AHCTF1: variants seen among roughly 807,000 people sequenced by gnomAD.
AHCTF1 encodes protein ELYS.
In AHCTF1, 24 loss-of-function variants were observed where a neutral mutation model predicts 248.4. The observed-to-expected ratio is 0.10, with a 90% CI of 0.07 to 0.14. The LOEUF is 0.14. Ranked by LOEUF, AHCTF1 falls within the 10% of genes least tolerant of loss-of-function variation. The pLI is 1.00. For missense variants in AHCTF1, 2,206 were observed against 2,636.2 expected, an observed-to-expected ratio of 0.84 and a Z score of 3.57; for synonymous variants, 786 against 929.8, an observed-to-expected ratio of 0.85 and a Z score of 2.81.
intron 24 of AHCTF1, among the ~76,000 whole-genome samples, chr1:246,870,828 CAA>C (rs1662541192): frequency 6.6e-6 from 1 of 151,702 alleles, no homozygotes; most frequent in East Asian, 1.9e-4. Context: ...TCCTCAGAAC[CAA>C]AAATTCTTGA....
chr1:246,894,338 A>C (rs1664415097), intron 14 of AHCTF1, among the ~76,000 whole-genome samples: 1 of 152,146 alleles, frequency 6.6e-6, no homozygotes, highest in Non-Finnish European at 1.5e-5. Flanking sequence ...TCTGGGAGGC[A>C]GAGGCGGGCG....
chr1:246,863,588 G>A (rs1398478592), intron 27 of AHCTF1, among the ~76,000 whole-genome samples: 1 of 152,032 alleles, frequency 6.6e-6, no homozygotes, highest in African/African-American at 2.4e-5. Context: ...GCATTTGATA[G>A]AAGAAATAAC....
At chr1:246,865,394 G>A (rs1340671691) in intron 26 of AHCTF1, 1 of 152,154 alleles carries the variant, frequency 6.6e-6, no homozygotes, top group South Asian at 2.1e-4. Context: ...TGATAATGGG[G>A]AAATATTTCA....
At chr1:246,875,531 A>G (rs1662875450) in intron 24 of AHCTF1, among the ~76,000 whole-genome samples, 1 of 152,200 alleles carries the variant, frequency 6.6e-6, no homozygotes, top group Non-Finnish European at 1.5e-5. Flanking sequence ...AATGCTATCA[A>G]ATGGTATCAC....
chr1:246,839,875 TACTC>T lies in AHCTF1; in HGVS notation c.*927_*930del, dbSNP rs1039609041. 4 of 152,662 alleles carry T rather than the reference TACTC, an allele frequency of 2.6e-5. No individual in the cohort carries two copies. The highest frequency in any genetic ancestry group is 9.6e-5 in the African/African-American group (4 of 41,454). 9.5% of individuals were successfully genotyped at this position (152,662 alleles called of 1,614,324 possible). On this transcript the variant is annotated 3_prime_UTR_variant, in exon 36 of 36. Transcript: ENST00000648844. ...TGTTGTTTTTCTCCTTTTCTACATC[TACTC>T]ACTCTCTCCCAACCTCAATAATCTG...
At chr1:246,922,298 T>TG (rs1010703273) in intron 1 of AHCTF1, among the ~76,000 whole-genome samples, 1 of 152,124 alleles carries the variant, frequency 6.6e-6, no homozygotes, top group African/African-American at 2.4e-5. Flanking sequence ...AGGCAGAGGT[T>TG]GCAGTAAGCA....
rs188352840 is a variant in AHCTF1, at chr1:246,869,845, G to A, written c.3089-2034C>T. 8.5e-5 allele frequency among the ~76,000 whole-genome samples: 13 copies of A among 152,268 alleles called. No homozygotes were observed. The East Asian group carries it at 2.5e-3, about 29-fold the overall frequency. On this transcript the variant is annotated intron_variant, in intron 24 of 35. Coordinates refer to ENST00000648844, the MANE Select transcript of AHCTF1 (RefSeq NM_001323342.2). ...ACACAACATCCATTCTGTAACCCTG[G>A]ATCACAGTAATCGCAATTTTCAAGA...
At chr1:246,920,417 T>C (rs1057203879) in intron 1 of AHCTF1, among the ~76,000 whole-genome samples, 4 of 152,014 alleles carry the variant, frequency 2.6e-5, no homozygotes, top group Admixed American at 2.0e-4. Flanking sequence ...GTATAAAAAT[T>C]CAATGGAGCA....
At chr1:246,891,145 T>C in intron 15 of AHCTF1, 85 bp from the exon 16 acceptor site, 4 of 750,532 alleles carry the variant, frequency 5.3e-6, no homozygotes, top group South Asian at 4.5e-5. Flanking sequence ...CTTGGTAATT[T>C]ACATAATTTG....
rs755775483 is a variant in AHCTF1 at position 246,913,400 on chromosome 1, C to G, written c.388G>C (p.Glu130Gln). 1 of 1,607,818 alleles carries G rather than the reference C, an allele frequency of 6.2e-7. No individual in the cohort carries two copies. The highest frequency in any genetic ancestry group is 8.5e-7 in the Non-Finnish European group (1 of 1,176,514). ...VVLPGRVTAI[E>Q]PIINHGGASA... is the part of the protein sequence containing the mutation. Reference sequence around the variant, plus strand: ...GCTCCTCCATGATTAATTATAGGTTCAATAGCTGTTACCTAGAAAACATAA... The same window carrying G: ...GCTCCTCCATGATTAATTATAGGTTGAATAGCTGTTACCTAGAAAACATAA... The change falls in exon 4 of 36, where the codon GAA becomes CAA. Residue 130 changes from glutamate to glutamine, a missense_variant. This residue lies in a region of AHCTF1 where 34 missense variants were observed against 97.2 expected (regional missense o/e 0.35). Transcript: ENST00000648844.
Position 246,843,836 on chromosome 1 carries a change from G to C in AHCTF1, c.6484C>G (p.Gln2162Glu), listed in dbSNP as rs749552372. Residue 2162 changes from glutamine (Q) to glutamate (E), a missense_variant, in exon 34 of 36, where the codon CAA becomes GAA. Gln to Glu is a conservative substitution (Grantham distance 29, BLOSUM62 2). Around this residue, in one of 6 missense-constraint regions of AHCTF1, gnomAD observed 469 missense variants for 470.0 expected, o/e 1.00. Coordinates refer to ENST00000648844, the MANE Select transcript of AHCTF1 (RefSeq NM_001323342.2). ...VISPPALRSRQKNTSNKNKLE... is the reference protein window; with the variant it reads ...VISPPALRSREKNTSNKNKLE... ...TTGTTCTTATTGGATGTGTTTTTTT[G>C]TCTGCTCCTTAAAGCAGGAGGTGAG... 6.7e-7 allele frequency: 1 copy of C among 1,493,984 alleles called. No homozygotes were observed. Among genetic ancestry groups the C allele is most frequent in the South Asian group, 1.5e-5 (1 of 66,808 alleles). 92.5% of individuals were successfully genotyped at this position (1,493,984 alleles called of 1,614,324 possible). A position where few individuals can be genotyped will look rare whatever the true frequency, so the allele number is the denominator to read the frequency against.
rs755996260 is a variant in AHCTF1 at position 246,887,226 on chromosome 1, A to G, written c.2457T>C (p.Asp819=). ...VKLIQGFWLI[D]HNDYESGLDL... ...ATAGACTTACCTCATAGTCATTATGATCTATCAACCAAAACCCCTGAATAA... is the reference window on the plus strand; with the variant it reads ...ATAGACTTACCTCATAGTCATTATGGTCTATCAACCAAAACCCCTGAATAA... Residue 819 remains aspartate, a synonymous_variant, in exon 20 of 36, where the codon GAT becomes GAC. Coordinates refer to ENST00000648844, the MANE Select transcript of AHCTF1 (RefSeq NM_001323342.2). The G allele has an allele frequency of 6.8e-6, 11 of 1,612,190 alleles. No individual in the cohort carries two copies. The highest frequency in any genetic ancestry group is 1.7e-6 in the Non-Finnish European group (2 of 1,179,446).
chr1:246,911,102 GT>G, intron 4 of AHCTF1, among the ~76,000 whole-genome samples: 1 of 152,270 alleles, frequency 6.6e-6, no homozygotes, highest in African/African-American at 2.4e-5. Flanking sequence ...TTGAGAAATG[GT>G]TCTGATCACA....
chr1:246,880,867 G>A (rs1663350083), intron 21 of AHCTF1, among the ~76,000 whole-genome samples: 1 of 152,094 alleles, frequency 6.6e-6, no homozygotes, highest in Non-Finnish European at 1.5e-5. Context: ...AATGATGCTA[G>A]GAAGAACAAT....
Position 246,916,337 on chromosome 1 carries a change from T to A in AHCTF1, c.180A>T (p.Ile60=). 1.2e-6 allele frequency: 2 copies of A among 1,610,268 alleles called. No individual in the cohort carries two copies. The highest frequency in any genetic ancestry group is 2.2e-5 in the South Asian group (2 of 90,636). The part of the protein sequence containing the change: ...CGPQLEVVNS[I]TGERLSAYRF... The stretch of plus-strand genomic sequence containing the variant: ...TGTAAGCAGACAATCGCTCTCCTGT[T>A]ATAGAGTTTACTACCTCAAGTTGTG... Residue 60 remains isoleucine (I), a synonymous_variant, in exon 3 of 36, where the codon ATA becomes ATT. Coordinates refer to ENST00000648844, the MANE Select transcript of AHCTF1 (RefSeq NM_001323342.2).
intron 16 of AHCTF1, among the ~76,000 whole-genome samples, chr1:246,890,290 G>C (rs1418610756): frequency 1.3e-5 from 2 of 152,096 alleles, no homozygotes; most frequent in Non-Finnish European, 2.9e-5. Context: ...TAAAATCCTG[G>C]AAACTGTTCT....
chr1:246,895,690 G>A (rs1664525188), intron 13 of AHCTF1, 145 bp downstream of exon 13: 4 of 633,624 alleles, frequency 6.3e-6, no homozygotes, highest in Non-Finnish European at 1.1e-5. Flanking sequence ...GTGCTAAAGG[G>A]GGTGGGATCT....
chr1:246,881,628 G>A (rs1372876101), intron 21 of AHCTF1, among the ~76,000 whole-genome samples: 2 of 151,960 alleles, frequency 1.3e-5, no homozygotes, highest in Non-Finnish European at 2.9e-5. Flanking sequence ...CCTGAGGTCA[G>A]GAGTTCAAGA....
Position 246,885,505 on chromosome 1 carries a change from A to C in AHCTF1, c.2648T>G (p.Leu883Trp), listed in dbSNP as rs1043156892. The C allele has an allele frequency of 1.7e-5, 27 of 1,595,966 alleles. No individual in the cohort carries two copies. Among genetic ancestry groups the C allele is most frequent in the Non-Finnish European group, 2.2e-5 (26 of 1,169,812 alleles). The change falls in exon 21 of 36, where the codon TTG becomes TGG. Residue 883 changes from leucine to tryptophan, a missense_variant. Transcript: ENST00000648844. ...GNDVILHLTV[L>W]LFNRCMVEAW... ...AAGATGTACTTACCTATTAAAAAGC[A>C]AAACAGTGAGGTGAAGGATAACATC...
Sources: gnomAD v4.1 joint callset for allele counts (sites outside exome capture counted in the v4.1 genomes callset) on GRCh38, gnomAD v4.1.1 for gene constraint, gnomAD v4.1.1 regional missense constraint, MANE v1.5 for transcripts, NCBI Gene and HGNC (gene_info 2026-07-23, HGNC 2026-07-21) for gene names.